Variants in PCDH15 observed in about 807,000 individuals in gnomAD.
PCDH15 encodes protocadherin related 15.
PCDH15 carries 129 observed loss-of-function variants against 178.5 expected under a neutral mutation model. That is an observed-to-expected ratio of 0.72 (90% confidence interval 0.63 to 0.84). The LOEUF (loss-of-function observed/expected upper bound fraction) is 0.84. PCDH15 is among the 40% of genes least tolerant of loss of function. The pLI is 0.00. For missense variants in PCDH15, 2,230 were observed against 2,099.9 expected (o/e 1.06, Z -1.21); for synonymous variants, 800 against 732.0 (o/e 1.09, Z -1.50).
chr10:54,004,951 T>TA (rs55808499), intron 20 of PCDH15, among the ~76,000 whole-genome samples: 103 of 146,108 alleles, frequency 7.0e-4, no homozygotes, highest in African/African-American at 1.6e-3. Context: ...GGTACTGGCA[T>TA]AAAAAAAAAA....
intron 2 of PCDH15, among the ~76,000 whole-genome samples, chr10:54,554,427 AT>A (rs2086945059): frequency 6.6e-6 from 1 of 152,206 alleles, no homozygotes; most frequent in Non-Finnish European, 1.5e-5. Context: ...AGTGATTCTT[AT>A]GTTAGTAAGA....
intron 2 of PCDH15, among the ~76,000 whole-genome samples, chr10:55,424,250 G>A (rs1188334400): frequency 2.0e-5 from 3 of 152,078 alleles, no homozygotes; most frequent in Non-Finnish European, 4.4e-5. Flanking sequence ...GGTTGGGATA[G>A]AACTAATTAT....
At chr10:54,179,909 A>G (rs963106310) in intron 13 of PCDH15, among the ~76,000 whole-genome samples, 10 of 152,220 alleles carry the variant, frequency 6.6e-5, no homozygotes, top group African/African-American at 2.2e-4. Flanking sequence ...TTAAATTGAC[A>G]TCTTCAAAAT....
At chr10:53,821,651 G>T in intron 32 of PCDH15, 2 of 1,335,616 alleles carry the variant, frequency 1.5e-6, no homozygotes, top group Non-Finnish European at 1.9e-6. Context: ...CTACTTTGTA[G>T]TTTTTAAAAA....
At chr10:54,708,707 T>A (rs1378246154) in intron 1 of PCDH15, among the ~76,000 whole-genome samples, 2 of 152,092 alleles carry the variant, frequency 1.3e-5, no homozygotes. Flanking sequence ...TAAACTGAAC[T>A]ATTTCAAATA....
At chr10:55,180,073 C>T (rs1383129238) in intron 1 of PCDH15, among the ~76,000 whole-genome samples, 1 of 151,914 alleles carries the variant, frequency 6.6e-6, no homozygotes, top group Admixed American at 6.6e-5. Flanking sequence ...CCAGAACATT[C>T]TGGAAAGCTG....
chr10:55,018,809 A>C (rs1375744391), intron 2 of PCDH15, among the ~76,000 whole-genome samples: 1 of 152,158 alleles, frequency 6.6e-6, no homozygotes, highest in Non-Finnish European at 1.5e-5. Context: ...CATTGAGGCT[A>C]GATGTTGTGG....
chr10:54,075,553 G>C (rs148499862), intron 17 of PCDH15, among the ~76,000 whole-genome samples: 6 of 151,796 alleles, frequency 4.0e-5, no homozygotes, highest in Admixed American at 3.9e-4. Context: ...GTGTCTTTGG[G>C]GTCATAGCCA....
chr10:54,507,840 G>T (rs1168535707), intron 3 of PCDH15, among the ~76,000 whole-genome samples: 1 of 151,868 alleles, frequency 6.6e-6, no homozygotes, highest in Non-Finnish European at 1.5e-5. Context: ...CTTTCTCTAA[G>T]CCTCAATTTC....
At chr10:53,823,565 A>G (rs1472888661) in intron 32 of PCDH15, 1 of 678,110 alleles carries the variant, frequency 1.5e-6, no homozygotes, top group African/African-American at 1.9e-5. Context: ...GAGAAGAATG[A>G]GAAATGTAAA....
chr10:54,355,997 G>A (rs1944916922), intron 5 of PCDH15, among the ~76,000 whole-genome samples: 1 of 152,032 alleles, frequency 6.6e-6, no homozygotes, highest in South Asian at 2.1e-4. Context: ...AATAAAAATG[G>A]TGGGTAAAAG....
At chr10:53,909,712 C>T (rs140513622) in intron 25 of PCDH15, among the ~76,000 whole-genome samples, 1,677 of 152,254 alleles carry the variant, frequency 0.011, 22 homozygotes, top group African/African-American at 0.022. Flanking sequence ...CATCACATCA[C>T]CCAGGAAGCA....
intron 2 of PCDH15, among the ~76,000 whole-genome samples, chr10:55,138,493 C>T (rs1024045997): frequency 2.0e-5 from 3 of 152,080 alleles, no homozygotes; most frequent in African/African-American, 4.8e-5. Context: ...GGGAACTCTG[C>T]GTTTCCCCCA....
chr10:54,199,148 T>G (rs1199012594), intron 10 of PCDH15, among the ~76,000 whole-genome samples: 1 of 152,180 alleles, frequency 6.6e-6, no homozygotes, highest in Non-Finnish European at 1.5e-5. Flanking sequence ...ATTTTTACTC[T>G]AATATTAATT....
intron 26 of PCDH15, among the ~76,000 whole-genome samples, chr10:53,869,463 A>G (rs1045621142): frequency 2.0e-5 from 3 of 152,214 alleles, no homozygotes; most frequent in African/African-American, 7.2e-5. Context: ...CAGATCAGTC[A>G]GATTTGGTTA....
chr10:55,129,366 T>C (rs1837985152), intron 2 of PCDH15, among the ~76,000 whole-genome samples: 1 of 152,084 alleles, frequency 6.6e-6, no homozygotes. Context: ...AGAAGAACTG[T>C]GAAAGGCAGT....
intron 1 of PCDH15, among the ~76,000 whole-genome samples, chr10:54,779,196 T>A (rs1350770148): frequency 6.6e-6 from 1 of 151,524 alleles, no homozygotes; most frequent in African/African-American, 2.4e-5. Context: ...ATGAAATAAG[T>A]AACCAAGGGT....
At chr10:53,856,563 C>G (rs538937715) in intron 28 of PCDH15, among the ~76,000 whole-genome samples, 2 of 152,184 alleles carry the variant, frequency 1.3e-5, no homozygotes, top group East Asian at 3.9e-4. Flanking sequence ...ACTGGCCAGA[C>G]TGCTTTTTGA....
chr10:55,585,781 A>G lies in PCDH15; in HGVS notation c.-156+41844T>C, dbSNP rs369911762. Among the ~76,000 whole-genome samples the G allele has an allele frequency of 1.1e-4, 17 of 152,012 alleles. No homozygotes were observed. The South Asian group carries it at 2.9e-3, about 26-fold the overall frequency. On this transcript the variant is annotated intron_variant, in intron 2 of 5. Coordinates refer to the PCDH15 transcript ENST00000613346. ...TGTGTGTATATATATGTGTGTGTGT[A>G]TATATATATGAGAGAGAGATAGACT...
Sources: allele counts gnomAD v4.1 joint callset (sites outside exome capture counted in the v4.1 genomes callset), GRCh38; gene constraint gnomAD v4.1.1; transcripts MANE v1.5; gene names NCBI Gene and HGNC (gene_info 2026-07-23, HGNC 2026-07-21).